The following KLRG2 variants were observed in gnomAD, a reference collection of about 807,000 sequenced individuals.
KLRG2 encodes killer cell lectin like receptor G2.
A neutral mutation model predicts 35.4 loss-of-function variants in KLRG2; 39 were observed. That is an observed-to-expected ratio of 1.10 (90% CI 0.85 to 1.44). The LOEUF (loss-of-function observed/expected upper bound fraction) is 1.44. Ranked by LOEUF, KLRG2 falls within the 40% of genes most tolerant of loss-of-function variation. The probability of loss-of-function intolerance (pLI) is 0.00; values close to 1 mark genes in which losing one functional copy is unlikely to be tolerated. For synonymous variants in KLRG2, 283 were observed against 265.8 expected, an observed-to-expected ratio of 1.06 and a Z score of -0.63; for missense variants, 632 against 570.9, an observed-to-expected ratio of 1.11 and a Z score of -1.09.
chr7:139,450,584 A>G (rs557718332), downstream of KLRG2, among the ~76,000 whole-genome samples: 39 of 152,236 alleles, frequency 2.6e-4, no homozygotes, highest in African/African-American at 9.4e-4. Context: ...CCATTTTTAA[A>G]TTGTTTGATA....
At chr7:139,455,511 T>C (rs1055632574) in intron 3 of KLRG2, among the ~76,000 whole-genome samples, 5 of 151,800 alleles carry the variant, frequency 3.3e-5, no homozygotes, top group East Asian at 1.9e-4. Flanking sequence ...TTAGTAGAGA[T>C]GGGGTTTCAC....
downstream of KLRG2, among the ~76,000 whole-genome samples, chr7:139,450,083 C>T (rs902277152): frequency 6.6e-6 from 1 of 151,866 alleles, no homozygotes; most frequent in South Asian, 2.1e-4. Flanking sequence ...CACTCTGTCA[C>T]CCAGGGTGGA....
At chr7:139,439,609 C>G in the KLRG2 span, among the ~76,000 whole-genome samples, 1 of 151,772 alleles carries the variant, frequency 6.6e-6, no homozygotes, top group Non-Finnish European at 1.5e-5. Context: ...GCCCAAGCTG[C>G]CATCCCTCAA....
rs540857634 is a variant in KLRG2 at position 139,467,111 on chromosome 7, A to G, written c.1005+12516T>C. On this transcript the variant is annotated intron_variant, in intron 3 of 4. Coordinates refer to ENST00000340940, the MANE Select transcript of KLRG2 (RefSeq NM_198508.4). ...CCCACAATATCGCCCCTTACCACAA[A>G]ATCTTCCTTCAGCTTAATCTCTCCC... is the stretch of plus-strand genomic sequence containing the variant. Among the ~76,000 whole-genome samples, 6 of 152,040 alleles carry G rather than the reference A, an allele frequency of 3.9e-5. No individual in the cohort carries two copies. In the East Asian group the frequency reaches 1.2e-3, roughly 29 times the overall value.
At chr7:139,466,850 A>G (rs1350924408) in intron 3 of KLRG2, among the ~76,000 whole-genome samples, 1 of 151,948 alleles carries the variant, frequency 6.6e-6, no homozygotes, top group African/African-American at 2.4e-5. Context: ...AAAAAAAAAA[A>G]AAAAGCTCAA....
At chr7:139,451,266 G>A (rs563200655), downstream of KLRG2, among the ~76,000 whole-genome samples, 2 of 152,318 alleles carry the variant, frequency 1.3e-5, no homozygotes, top group African/African-American at 2.4e-5. Flanking sequence ...TTGGGAGGCC[G>A]AGGCAGGCGG....
chr7:139,476,307 G>A (rs1360983079), intron 3 of KLRG2, among the ~76,000 whole-genome samples: 1 of 152,130 alleles, frequency 6.6e-6, no homozygotes, highest in East Asian at 1.9e-4. Flanking sequence ...CACGGAGGAG[G>A]GAGGCAAAAG....
At chr7:139,482,747 T>A (rs1297082233) in intron 1 of KLRG2, 139 bp downstream of exon 1, 1 of 627,280 alleles carries the variant, frequency 1.6e-6, no homozygotes, top group Non-Finnish European at 2.4e-6. Context: ...AGAGGCCAGA[T>A]CGGGTTGGGG....
In KLRG2 at chr7:139,453,612, C is replaced by T; in HGVS notation, c.1205G>A (p.Trp402Ter). 6.2e-7 allele frequency: 1 copy of T among 1,609,952 alleles called. No homozygotes were observed. Among genetic ancestry groups the T allele is most frequent in the Non-Finnish European group, 8.5e-7 (1 of 1,178,274 alleles). ...TCACTGGGTCCCCTTGGCACAGACCCAGGGTCTTGGAGTGCTGCAGTTTGC... is the reference window on the plus strand; with the variant it reads ...TCACTGGGTCCCCTTGGCACAGACCTAGGGTCTTGGAGTGCTGCAGTTTGC... ...VAANCSTPRPWVCAKGTQ is the reference protein window; with the variant it reads ...VAANCSTPRP The change falls in exon 5 of 5, where the codon TGG becomes TAG. Residue 402 changes from tryptophan to a stop codon, truncating the protein, a stop_gained. Transcript: ENST00000340940. LOFTEE classifies it high-confidence loss of function.
At chr7:139,440,729 C>CT in the KLRG2 span, among the ~76,000 whole-genome samples, 1 of 152,122 alleles carries the variant, frequency 6.6e-6, no homozygotes, top group Non-Finnish European at 1.5e-5. Context: ...GGACTACAAG[C>CT]TTGCACCACA....
At chr7:139,480,359 ACC>A in intron 1 of KLRG2, 112 bp from the exon 2 acceptor site, 2 of 499,802 alleles carry the variant, frequency 4.0e-6, no homozygotes, top group Non-Finnish European at 7.4e-6. Flanking sequence ...CCCAGCACCC[ACC>A]CCCTCAGCCT....
the KLRG2 span, among the ~76,000 whole-genome samples, chr7:139,444,853 T>C: frequency 2.0e-5 from 3 of 152,168 alleles, no homozygotes; most frequent in African/African-American, 7.2e-5. Context: ...ATTTTGCACA[T>C]AAATATGCAG....
chr7:139,455,677 G>A (rs181085221), intron 3 of KLRG2, among the ~76,000 whole-genome samples: 164 of 152,300 alleles, frequency 1.1e-3, no homozygotes, highest in Middle Eastern at 3.4e-3. Context: ...GGGTGGGGAC[G>A]TGGTGGAGGG....
intron 3 of KLRG2, among the ~76,000 whole-genome samples, chr7:139,475,438 G>C (rs928908187): frequency 3.3e-5 from 5 of 151,962 alleles, no homozygotes; most frequent in Non-Finnish European, 7.4e-5. Flanking sequence ...GGCTGAGGCA[G>C]GAGAATGGCG....
At chr7:139,475,551 G>A (rs541612526) in intron 3 of KLRG2, among the ~76,000 whole-genome samples, 2 of 149,824 alleles carry the variant, frequency 1.3e-5, no homozygotes, top group East Asian at 3.9e-4. Flanking sequence ...AAAAGAACTC[G>A]TCCCCGTGCT....
rs1796405061 is a variant in KLRG2 at position 139,453,514 on chromosome 7, A to G, written c.*73T>C. 2.7e-6 allele frequency: 4 copies of G among 1,504,242 alleles called. No homozygotes were observed. The highest frequency in any genetic ancestry group is 2.8e-5 in the African/African-American group (2 of 72,080). 93.2% of individuals were successfully genotyped at this position (1,504,242 alleles called of 1,614,324 possible). A position where few individuals can be genotyped will look rare whatever the true frequency, so the allele number is the denominator to read the frequency against. Reference sequence around the variant, plus strand: ...AACTGGGTCCAGGAAGAGGCTGCCCAAGCTCTCAACTGGCCTCCCCTGTAG... The same window carrying G: ...AACTGGGTCCAGGAAGAGGCTGCCCGAGCTCTCAACTGGCCTCCCCTGTAG... On this transcript the variant is annotated 3_prime_UTR_variant, in exon 5 of 5. Coordinates refer to ENST00000340940, the MANE Select transcript of KLRG2 (RefSeq NM_198508.4).
downstream of KLRG2, among the ~76,000 whole-genome samples, chr7:139,450,897 G>A (rs1444516726): frequency 6.6e-6 from 1 of 152,178 alleles, no homozygotes; most frequent in Non-Finnish European, 1.5e-5. Context: ...TGACTTCTGA[G>A]GCTAGCCCTC....
At chr7:139,475,754 A>T (rs1474672795) in intron 3 of KLRG2, among the ~76,000 whole-genome samples, 1 of 152,122 alleles carries the variant, frequency 6.6e-6, no homozygotes, top group Admixed American at 6.6e-5. Flanking sequence ...AAACCCAAAG[A>T]GGGAACGTGG....
chr7:139,455,563 C>T (rs1028479367), intron 3 of KLRG2, among the ~76,000 whole-genome samples: 13 of 152,018 alleles, frequency 8.6e-5, no homozygotes, highest in East Asian at 3.9e-4. Flanking sequence ...CCTCGTGATC[C>T]GCCTGCCTCG....
Sources: allele counts gnomAD v4.1 joint callset (sites outside exome capture counted in the v4.1 genomes callset), GRCh38; gene constraint gnomAD v4.1.1; transcripts MANE v1.5; gene names NCBI Gene and HGNC (gene_info 2026-07-23, HGNC 2026-07-21).